CRB1: variants seen among roughly 807,000 people sequenced by gnomAD.
The protein encoded by CRB1 is crumbs cell polarity complex component 1.
Under a neutral mutation model 120.0 loss-of-function variants are expected in CRB1, and 83 were observed. The ratio of observed to expected loss-of-function variants is 0.69; its 90% CI spans 0.58 to 0.83. The LOEUF is 0.83. CRB1 is among the 40% of genes least tolerant of loss of function. The pLI is 0.00. For missense variants in CRB1, 1,699 were observed against 1,687.6 expected, an observed-to-expected ratio of 1.01 and a Z score of -0.12; for synonymous variants, 625 against 612.5, an observed-to-expected ratio of 1.02 and a Z score of -0.30.
At chr1:197,313,411 G>T (rs1657664395) in intron 1 of CRB1, among the ~76,000 whole-genome samples, 1 of 152,184 alleles carries the variant, frequency 6.6e-6, no homozygotes, top group African/African-American at 2.4e-5. Flanking sequence ...GGCCAATTGA[G>T]ATATACATCA....
In CRB1 at chr1:197,344,317, C is replaced by G; in HGVS notation, c.689C>G (p.Ser230Cys). Residue 230 changes from serine (S) to cysteine (C), a missense_variant, in exon 3 of 12, where the codon TCC becomes TGC. Coordinates refer to ENST00000367400, the MANE Select transcript of CRB1 (RefSeq NM_201253.3). The stretch of plus-strand genomic sequence containing the variant: ...GAATTGGAAATTGACGAATGTTGGT[C>G]CCAGCCTTGTTTAAATGGTGCAACT... ...NCELEIDECW[S>C]QPCLNGATCQ... 1 of 1,614,108 alleles carries G rather than the reference C, an allele frequency of 6.2e-7. No homozygotes were observed. Among genetic ancestry groups the G allele is most frequent in the Non-Finnish European group, 8.5e-7 (1 of 1,180,016 alleles).
At position 197,305,606 on chromosome 1, in the gene CRB1, G is replaced by A. The variant is rs527798849; in HGVS notation, c.71-22816G>A. On this transcript the variant is annotated intron_variant, in intron 1 of 11. Transcript: ENST00000367400. ...CTAATAATCTGTGATTTTTTTATGAGCGTCCTTTTACAGCATTCATCTTGG... is the reference window on the plus strand; with the variant it reads ...CTAATAATCTGTGATTTTTTTATGAACGTCCTTTTACAGCATTCATCTTGG... 3.3e-5 allele frequency among the ~76,000 whole-genome samples: 5 copies of A among 151,766 alleles called. No individual in the cohort carries two copies. The East Asian group carries it at 9.7e-4, about 29-fold the overall frequency.
In CRB1 at chr1:197,429,333, A is replaced by G. The variant is rs969850559; in HGVS notation, c.2677-116A>G. On this transcript the variant is annotated intron_variant, in intron 7 of 11. Coordinates refer to ENST00000367400, the MANE Select transcript of CRB1 (RefSeq NM_201253.3). ...TTAACAATGGATCTTAAAAGTTTAA[A>G]ATGTAAAGATGCAGGGAAATTAGCA... The G allele has an allele frequency of 1.7e-5, 24 of 1,413,272 alleles. No homozygotes were observed. The African/African-American group carries it at 3.1e-4, about 18-fold the overall frequency. The allele number at this position is 1,413,272 out of a possible 1,614,324, so 87.5% of individuals were successfully genotyped here. A position where few individuals can be genotyped will look rare whatever the true frequency, so the allele number is the denominator to read the frequency against.
intron 2 of CRB1, among the ~76,000 whole-genome samples, chr1:197,334,989 A>T (rs915484665): frequency 2.0e-5 from 3 of 152,362 alleles, no homozygotes; most frequent in Non-Finnish European, 2.9e-5. Flanking sequence ...GGTATTAGGG[A>T]TTAACTTTAG....
the CRB1 span, among the ~76,000 whole-genome samples, chr1:197,201,702 A>C: frequency 6.6e-6 from 1 of 152,162 alleles, no homozygotes; most frequent in African/African-American, 2.4e-5. Flanking sequence ...TGGTGTATTT[A>C]ATAGTTTGTA....
chr1:197,458,542 C>T (rs1666385710), intron 11 of CRB1, among the ~76,000 whole-genome samples: 1 of 152,066 alleles, frequency 6.6e-6, no homozygotes. Flanking sequence ...GATAAGCTGA[C>T]ATTCTGGGCT....
chr1:197,460,372 A>G (rs1666474987), intron 11 of CRB1, among the ~76,000 whole-genome samples: 1 of 152,106 alleles, frequency 6.6e-6, no homozygotes, highest in Non-Finnish European at 1.5e-5. Flanking sequence ...TTCTGTGATT[A>G]GTGCAATCTA....
intron 1 of CRB1, among the ~76,000 whole-genome samples, chr1:197,272,574 A>G (rs1654966404): frequency 6.6e-6 from 1 of 152,162 alleles, no homozygotes; most frequent in South Asian, 2.1e-4. Context: ...CTACATCTAT[A>G]TAATGGAATA....
intron 5 of CRB1, among the ~76,000 whole-genome samples, chr1:197,420,502 T>C (rs540115256): frequency 6.6e-6 from 1 of 152,312 alleles, no homozygotes; most frequent in Non-Finnish European, 1.5e-5. Context: ...GTTTGGACTA[T>C]TTATATTTCT....
chr1:197,204,249 G>A, the CRB1 span, among the ~76,000 whole-genome samples: 5 of 152,212 alleles, frequency 3.3e-5, no homozygotes, highest in East Asian at 7.7e-4. Context: ...GCTGCTACAA[G>A]CCTGCGTGTG....
chr1:197,337,636 C>A (rs184966320), intron 2 of CRB1, among the ~76,000 whole-genome samples: 58 of 152,188 alleles, frequency 3.8e-4, no homozygotes, highest in Admixed American at 3.5e-3. Context: ...GGTATCTAAA[C>A]AATGTTTGCC....
chr1:197,310,301 A>C (rs1357687839), intron 1 of CRB1, among the ~76,000 whole-genome samples: 1 of 152,154 alleles, frequency 6.6e-6, no homozygotes, highest in South Asian at 2.1e-4. Flanking sequence ...TATAAAAAAA[A>C]CCCTGACATC....
chr1:197,439,028 A>G (rs1665301793), intron 10 of CRB1: 2 of 285,674 alleles, frequency 7.0e-6, no homozygotes, highest in African/African-American at 4.4e-5. Flanking sequence ...AATTACAACT[A>G]AAAGATTGCC....
the CRB1 span, among the ~76,000 whole-genome samples, chr1:197,225,662 C>T: frequency 6.6e-6 from 1 of 152,172 alleles, no homozygotes; most frequent in Non-Finnish European, 1.5e-5. Flanking sequence ...TACTCTTTTC[C>T]ACTACCTGCA....
chr1:197,333,316 A>C (rs954843073), intron 2 of CRB1, among the ~76,000 whole-genome samples: 3 of 152,250 alleles, frequency 2.0e-5, no homozygotes, highest in Non-Finnish European at 4.4e-5. Context: ...TCTGCTGTGC[A>C]TAAGCAAAAA....
chr1:197,225,645 T>TAA, the CRB1 span, among the ~76,000 whole-genome samples: 3 of 152,212 alleles, frequency 2.0e-5, no homozygotes, highest in Non-Finnish European at 4.4e-5. Context: ...CTACACTTAC[T>TAA]CTTAATTACT....
At chr1:197,310,950 T>C (rs1184295179) in intron 1 of CRB1, among the ~76,000 whole-genome samples, 2 of 152,152 alleles carry the variant, frequency 1.3e-5, no homozygotes, top group African/African-American at 2.4e-5. Flanking sequence ...AATGAATATT[T>C]TGATGAACAA....
rs59691602 is a variant in CRB1 at position 197,328,450 on chromosome 1, G to T, written c.99G>T (p.Arg33Ser). 1.1e-3 allele frequency: 1,791 copies of T among 1,613,906 alleles called. 20 individuals are homozygous for T. In the African/African-American group the frequency reaches 0.021, roughly 19 times the overall value. Residue 33 changes from arginine (R) to serine (S), a missense_variant, in exon 2 of 12, where the codon AGG (arginine) becomes AGT (serine). Transcript: ENST00000367400. ...KNSFCNKNNT[R>S]CLSNSCQNNS... Reference sequence around the variant, plus strand: ...CCTTTTGCAATAAAAACAACACCAGGTGCCTCTCAAATTCTTGCCAAAACA... The same window carrying T: ...CCTTTTGCAATAAAAACAACACCAGTTGCCTCTCAAATTCTTGCCAAAACA...
chr1:197,435,388 A>T lies in CRB1; in HGVS notation c.3525A>T (p.Glu1175Asp). ...CPLGWSGKHC[E>D]LNIDECFSNP... ...TGGGATGGTCAGGGAAACACTGTGA[A>T]CTCAACATCGATGAATGCTTTTCAA... The change falls in exon 9 of 12, where the codon GAA (glutamate) becomes GAT (aspartate). Residue 1175 changes from glutamate (E) to aspartate (D), a missense_variant. By Grantham distance (45) the Glu-to-Asp change is conservative. Coordinates refer to ENST00000367400, the MANE Select transcript of CRB1 (RefSeq NM_201253.3). 6.2e-7 allele frequency: 1 copy of T among 1,608,874 alleles called. No homozygotes were observed. The highest frequency in any genetic ancestry group is 8.5e-7 in the Non-Finnish European group (1 of 1,176,928).
Sources: gnomAD v4.1 joint callset for allele counts (sites outside exome capture counted in the v4.1 genomes callset) on GRCh38, gnomAD v4.1.1 for gene constraint, MANE v1.5 for transcripts, NCBI Gene and HGNC (gene_info 2026-07-23, HGNC 2026-07-21) for gene names.